The following CNTNAP2 variants were observed in gnomAD, a reference collection of about 807,000 sequenced individuals.
CNTNAP2 encodes the protein contactin associated protein 2.
Under a neutral mutation model 155.2 loss-of-function variants are expected in CNTNAP2, and 98 were observed. The ratio of observed to expected loss-of-function variants is 0.63; its 90% confidence interval spans 0.54 to 0.75. The LOEUF (loss-of-function observed/expected upper bound fraction) is 0.75. CNTNAP2 is among the 30% of genes least tolerant of loss of function. The probability of loss-of-function intolerance (pLI) is 0.00; values close to 1 mark genes in which losing one functional copy is unlikely to be tolerated. For missense variants in CNTNAP2, 1,727 were observed against 1,688.1 expected (o/e 1.02, Z -0.40); for synonymous variants, 651 against 631.2 (o/e 1.03, Z -0.47).
At chr7:148,019,122 C>A (rs574389496) in intron 15 of CNTNAP2, among the ~76,000 whole-genome samples, 7 of 152,320 alleles carry the variant, frequency 4.6e-5, no homozygotes, top group Admixed American at 1.3e-4. Flanking sequence ...CCTAGCAATG[C>A]ATCTGTTGAT....
At chr7:146,979,645 T>C (rs1208881888) in intron 3 of CNTNAP2, among the ~76,000 whole-genome samples, 2 of 152,142 alleles carry the variant, frequency 1.3e-5, no homozygotes, top group Non-Finnish European at 2.9e-5. Context: ...CTATGAGCAG[T>C]GTTGAGCCAT....
chr7:148,103,058 A>C (rs1416139594), intron 15 of CNTNAP2, among the ~76,000 whole-genome samples: 1 of 152,332 alleles, frequency 6.6e-6, no homozygotes, highest in South Asian at 2.1e-4. Context: ...GGTAGGTAAG[A>C]GACAAATGCT....
chr7:146,637,261 A>G (rs116142111), intron 1 of CNTNAP2, among the ~76,000 whole-genome samples: 55 of 152,202 alleles, frequency 3.6e-4, no homozygotes, highest in Non-Finnish European at 7.6e-4. Context: ...ACACAAAGGC[A>G]TAGTTTTTAA....
At chr7:146,943,415 C>T (rs1797095563) in intron 3 of CNTNAP2, among the ~76,000 whole-genome samples, 1 of 152,112 alleles carries the variant, frequency 6.6e-6, no homozygotes, top group Non-Finnish European at 1.5e-5. Context: ...TCGCTTAAAC[C>T]TGGGAGACAG....
chr7:147,598,615 A>C (rs1386758289), intron 12 of CNTNAP2, among the ~76,000 whole-genome samples: 1 of 152,126 alleles, frequency 6.6e-6, no homozygotes, highest in Non-Finnish European at 1.5e-5. Flanking sequence ...TATGATTATC[A>C]GTGCATAAGC....
chr7:147,468,918 G>GT (rs1798165527), intron 10 of CNTNAP2, among the ~76,000 whole-genome samples: 1 of 151,140 alleles, frequency 6.6e-6, no homozygotes, highest in Non-Finnish European at 1.5e-5. Context: ...TGAGCTCACT[G>GT]CAACCTCCGC....
intron 13 of CNTNAP2, among the ~76,000 whole-genome samples, chr7:147,791,333 A>G (rs1797815046): frequency 6.6e-6 from 1 of 151,646 alleles, no homozygotes. Flanking sequence ...GAGCTTCTAG[A>G]CCTTCTTTGG....
At chr7:146,694,424 G>T (rs898377835) in intron 1 of CNTNAP2, among the ~76,000 whole-genome samples, 2 of 152,076 alleles carry the variant, frequency 1.3e-5, no homozygotes, top group Admixed American at 6.6e-5. Flanking sequence ...ATTTGTGTGG[G>T]TCTATTTCTG....
chr7:147,422,055 C>T (rs771749161), intron 10 of CNTNAP2, among the ~76,000 whole-genome samples: 2 of 146,904 alleles, frequency 1.4e-5, no homozygotes, highest in Non-Finnish European at 3.0e-5. Flanking sequence ...TATAGCAATT[C>T]GAGAATGGCC....
At chr7:148,292,520 C>T (rs983683017) in intron 21 of CNTNAP2, among the ~76,000 whole-genome samples, 1 of 152,144 alleles carries the variant, frequency 6.6e-6, no homozygotes, top group African/African-American at 2.4e-5. Flanking sequence ...CATGCTGAAG[C>T]CACCAGCAGA....
intron 13 of CNTNAP2, among the ~76,000 whole-genome samples, chr7:147,709,704 A>G (rs1457621852): frequency 1.3e-5 from 2 of 152,180 alleles, no homozygotes; most frequent in Non-Finnish European, 2.9e-5. Flanking sequence ...GTTCAGAGAC[A>G]AACCTGTCTA....
intron 8 of CNTNAP2, among the ~76,000 whole-genome samples, chr7:147,204,575 TA>T (rs972091732): frequency 6.1e-4 from 93 of 152,166 alleles, no homozygotes; most frequent in African/African-American, 2.1e-3. Context: ...AATCAATTTT[TA>T]AAAAAATATT....
At chr7:147,204,715 C>T (rs1049263551) in intron 8 of CNTNAP2, among the ~76,000 whole-genome samples, 40 of 152,062 alleles carry the variant, frequency 2.6e-4, no homozygotes, top group African/African-American at 9.2e-4. Context: ...ATGTACCACG[C>T]TAATGTAATG....
chr7:146,748,352 A>G (rs950778475), intron 1 of CNTNAP2, among the ~76,000 whole-genome samples: 1 of 151,868 alleles, frequency 6.6e-6, no homozygotes, highest in Non-Finnish European at 1.5e-5. Context: ...TCACCGTGTT[A>G]GCCAGGATGG....
intron 1 of CNTNAP2, among the ~76,000 whole-genome samples, chr7:146,349,813 T>G (rs1381969998): frequency 1.3e-5 from 2 of 152,182 alleles, no homozygotes; most frequent in Non-Finnish European, 2.9e-5. Flanking sequence ...CTCTTCTGGC[T>G]TGTAGAGTTT....
intron 13 of CNTNAP2, among the ~76,000 whole-genome samples, chr7:147,854,488 G>A (rs184191137): frequency 6.6e-6 from 1 of 152,068 alleles, no homozygotes; most frequent in African/African-American, 2.4e-5. Context: ...TTTTGAAAGA[G>A]TGGCTAGGAT....
At chr7:147,364,771 C>T (rs567817188) in intron 9 of CNTNAP2, among the ~76,000 whole-genome samples, 3 of 151,782 alleles carry the variant, frequency 2.0e-5, no homozygotes, top group South Asian at 2.1e-4. Context: ...ATGGCGTGAA[C>T]TCGGGAGGCG....
In CNTNAP2 at chr7:146,483,282, A is replaced by AATATATAT. The variant is rs200796835; in HGVS notation, c.98-290949_98-290942dup. Among the ~76,000 whole-genome samples the AATATATAT allele has an allele frequency of 1.7e-3, 68 of 39,830 alleles. 1 individual carries two copies. Among genetic ancestry groups the AATATATAT allele is most frequent in the Non-Finnish European group, 2.4e-3 (47 of 19,922 alleles). The allele number at this position is 39,830 out of a possible 152,430, so 26.1% of individuals were successfully genotyped here. A position where few individuals can be genotyped will look rare whatever the true frequency, so the allele number is the denominator to read the frequency against. On this transcript the variant is annotated intron_variant, in intron 1 of 23. Transcript: ENST00000361727. ...CAGAGCAAGACTCCGTCTAAAAAAA[A>AATATATAT]ATATATATATATATATATATATATA...
chr7:146,832,433 A>G (rs1283650295), intron 2 of CNTNAP2, among the ~76,000 whole-genome samples: 1 of 150,382 alleles, frequency 6.6e-6, no homozygotes. Flanking sequence ...GCAAATTTTA[A>G]CAGGTTTACT....
Sources: allele counts gnomAD v4.1 joint callset (sites outside exome capture counted in the v4.1 genomes callset), GRCh38; gene constraint gnomAD v4.1.1; transcripts MANE v1.5; gene names NCBI Gene and HGNC (gene_info 2026-07-23, HGNC 2026-07-21).